The following TRPM4 variants were observed in gnomAD, a reference collection of about 807,000 sequenced individuals.
TRPM4 encodes the protein calcium-activated non-selective cation channel 1.
TRPM4 carries 124 observed loss-of-function variants against 135.6 expected under a neutral mutation model. That is an observed-to-expected ratio of 0.91 (90% CI 0.79 to 1.06). The LOEUF (loss-of-function observed/expected upper bound fraction) is 1.06, where lower values mean the gene tolerates loss of function less well. TRPM4 is among the 50% of genes least tolerant of loss of function. The pLI, the probability that TRPM4 is intolerant of heterozygous loss-of-function variation, is 0.00. For synonymous variants in TRPM4, 745 were observed against 705.6 expected (o/e 1.06, Z -0.88); for missense variants, 1,658 against 1,671.4 (o/e 0.99, Z 0.14).
intron 3 of TRPM4, among the ~76,000 whole-genome samples, chr19:49,166,509 T>G: frequency 2.4e-5 from 1 of 42,010 alleles, no homozygotes; most frequent in South Asian, 1.3e-3. Flanking sequence ...CCTCTCTCTC[T>G]GGGTCTCTGT....
At chr19:49,183,025 G>A in intron 11 of TRPM4, 53 bp from the exon 12 acceptor site, 11 of 1,605,092 alleles carry the variant, frequency 6.9e-6, no homozygotes, top group Non-Finnish European at 9.3e-6. Context: ...AGGGCTGGTG[G>A]TGGCCAGTGT....
intron 12 of TRPM4, among the ~76,000 whole-genome samples, chr19:49,183,650 G>A (rs889949980): frequency 6.6e-6 from 1 of 151,998 alleles, no homozygotes; most frequent in Admixed American, 6.6e-5. Context: ...TGATCCACCC[G>A]CCTCGGCTTC....
intron 20 of TRPM4, among the ~76,000 whole-genome samples, chr19:49,209,130 A>G (rs1664901674): frequency 6.6e-6 from 1 of 152,232 alleles, no homozygotes; most frequent in Middle Eastern, 3.4e-3. Flanking sequence ...CCATTTCGTT[A>G]TGGTATAAAA....
intron 16 of TRPM4, among the ~76,000 whole-genome samples, chr19:49,191,653 C>G (rs572462583): frequency 1.3e-5 from 2 of 152,188 alleles, no homozygotes; most frequent in Admixed American, 6.5e-5. Context: ...GAGCCCACCA[C>G]CACACCTGGC....
Position 49,210,601 on chromosome 19 carries a change from A to T in TRPM4, c.3329-109A>T, listed in dbSNP as rs1969318536. On this transcript the variant is annotated intron_variant, in intron 21 of 24. Coordinates refer to ENST00000252826, the MANE Select transcript of TRPM4 (RefSeq NM_017636.4). This position sits in a 1 kb window ranked among gnomAD's most constrained non-coding sequence, Gnocchi z 4.1. ...GAGGGGCGGGGCATGTTCTCGAATC[A>T]CCAGGGGCTGGGTCTGGGATAGCGT... 4 of 1,560,940 alleles carry T rather than the reference A, an allele frequency of 2.6e-6. No homozygotes were observed. The highest frequency in any genetic ancestry group is 1.7e-4 in the Middle Eastern group (1 of 5,784).
In TRPM4 at chr19:49,171,417, C is replaced by T. The variant is rs775793134; in HGVS notation, c.857C>T (p.Thr286Met). 3.4e-5 allele frequency: 55 copies of T among 1,613,838 alleles called. No homozygotes were observed. The Admixed American group carries it at 5.5e-4, about 16-fold the overall frequency. Residue 286 changes from threonine (T) to methionine (M), a missense_variant and splice_region_variant, in exon 7 of 25, where the codon ACG becomes ATG. Around this residue, in one of 3 missense-constraint regions of TRPM4, gnomAD observed 1,412 missense variants for 1,408.7 expected, o/e 1.00. Transcript: ENST00000252826. The surrounding 1 kb of genome is among the most constrained non-coding windows in gnomAD (Gnocchi z 4.7). ...LLIDGDEKML[T>M]RIENATQAQL... The stretch of plus-strand genomic sequence containing the variant: ...ATTGATGGTGATGAGAAGATGTTGA[C>T]GGTATAGGGGCCCGGATGCCCGGAT...
At chr19:49,204,444 T>C (rs1969069304) in intron 20 of TRPM4, among the ~76,000 whole-genome samples, 1 of 151,836 alleles carries the variant, frequency 6.6e-6, no homozygotes. Flanking sequence ...GTAAAAATTA[T>C]AGTCATCCAG....
intron 10 of TRPM4, among the ~76,000 whole-genome samples, chr19:49,182,125 C>CATCCATCCATCT (rs879711809): frequency 1.6e-4 from 22 of 135,960 alleles, no homozygotes; most frequent in South Asian, 4.9e-4. Flanking sequence ...TCCATCCATC[C>CATCCATCCATCT]ATCTGTCCAT....
At chr19:49,206,161 C>T (rs943798553) in intron 20 of TRPM4, among the ~76,000 whole-genome samples, 5 of 151,710 alleles carry the variant, frequency 3.3e-5, no homozygotes, top group Non-Finnish European at 5.9e-5. Flanking sequence ...CAGGGTTTCA[C>T]CATGTTGGCC....
At chr19:49,181,669 C>G (rs982702711) in intron 10 of TRPM4, among the ~76,000 whole-genome samples, 1 of 151,380 alleles carries the variant, frequency 6.6e-6, no homozygotes, top group Non-Finnish European at 1.5e-5. Context: ...GTAGCTGGGA[C>G]TACAGGCGCC....
Position 49,171,904 on chromosome 19 carries a change from C to G in TRPM4, c.1051-105C>G, listed in dbSNP as rs770202311. On this transcript the variant is annotated intron_variant, in intron 8 of 24. Coordinates refer to ENST00000252826, the MANE Select transcript of TRPM4 (RefSeq NM_017636.4). This position sits in a 1 kb window ranked among gnomAD's most constrained non-coding sequence, Gnocchi z 4.7. ...GAGAAGAGGGTGCTGGGCATATAGACTATTAGGTCCTGGAGGGGAATGGCC... is the reference window on the plus strand; with the variant it reads ...GAGAAGAGGGTGCTGGGCATATAGAGTATTAGGTCCTGGAGGGGAATGGCC... 42 of 1,362,430 alleles carry G rather than the reference C, an allele frequency of 3.1e-5. No individual in the cohort carries two copies. The highest frequency in any genetic ancestry group is 4.3e-5 in the Non-Finnish European group (41 of 956,222). The allele number at this position is 1,362,430 out of a possible 1,614,324, so 84.4% of individuals were successfully genotyped here.
rs1216517627 is a variant in TRPM4, at chr19:49,171,406, G to A, written c.846G>A (p.Glu282=). Residue 282 remains glutamate (E), a synonymous_variant, in exon 7 of 25, where the codon GAG becomes GAA. Coordinates refer to ENST00000252826, the MANE Select transcript of TRPM4 (RefSeq NM_017636.4). The surrounding 1 kb of genome is among the most constrained non-coding windows in gnomAD (Gnocchi z 4.7). ...TGCTCCTCCTGATTGATGGTGATGA[G>A]AAGATGTTGACGGTATAGGGGCCCG... The part of the protein sequence containing the change: ...PVLLLLIDGD[E]KMLTRIENAT... The A allele has an allele frequency of 8.1e-6, 13 of 1,614,010 alleles. No individual in the cohort carries two copies. The highest frequency in any genetic ancestry group is 1.1e-5 in the Non-Finnish European group (13 of 1,180,032).
chr19:49,181,461 G>T lies in TRPM4; in HGVS notation c.1263G>T (p.Arg421=). The T allele has an allele frequency of 6.2e-7, 1 of 1,611,940 alleles. No homozygotes were observed. The highest frequency in any genetic ancestry group is 8.5e-7 in the Non-Finnish European group (1 of 1,178,750). ...SELFRGDIQW[R]SFHLEASLMD... ...TCTTTCGGGGGGACATCCAATGGCGGGTGAGGGGTCAGGGCCTGGGGGTTG... is the reference window on the plus strand; with the variant it reads ...TCTTTCGGGGGGACATCCAATGGCGTGTGAGGGGTCAGGGCCTGGGGGTTG... The change falls in exon 10 of 25, where the codon CGG becomes CGT. Residue 421 remains arginine, a splice_region_variant and synonymous_variant. Coordinates refer to ENST00000252826, the MANE Select transcript of TRPM4 (RefSeq NM_017636.4).
intron 20 of TRPM4, among the ~76,000 whole-genome samples, chr19:49,205,849 T>C (rs566778652): frequency 7.2e-4 from 109 of 152,062 alleles, no homozygotes; most frequent in Non-Finnish European, 9.4e-4. Flanking sequence ...CTTCAACATA[T>C]CTTTAGCGGG....
chr19:49,158,686 G>T, intron 2 of TRPM4: 1 of 184,286 alleles, frequency 5.4e-6, no homozygotes, highest in Non-Finnish European at 1.1e-5. Flanking sequence ...CAACGGCCCT[G>T]CCAGGGTTCC....
intron 9 of TRPM4, among the ~76,000 whole-genome samples, chr19:49,173,001 C>T (rs745881969): frequency 1.3e-5 from 2 of 150,728 alleles, no homozygotes; most frequent in Admixed American, 1.3e-4. Flanking sequence ...TCCATCCACA[C>T]ATCCACTGAA....
intron 15 of TRPM4, 65 bp downstream of exon 15, chr19:49,190,385 C>G (rs1250233848): frequency 2.2e-6 from 3 of 1,368,124 alleles, no homozygotes; most frequent in Non-Finnish European, 3.1e-6. Context: ...CTTCCTGCCC[C>G]CTCTGCCCAC....
intron 12 of TRPM4, among the ~76,000 whole-genome samples, chr19:49,186,373 G>A (rs559915560): frequency 2.8e-4 from 43 of 152,162 alleles, no homozygotes; most frequent in Admixed American, 8.5e-4. Flanking sequence ...GGTTTTCTCT[G>A]GTATTTTCTG....
At chr19:49,198,224 T>A (rs1170411067) in intron 17 of TRPM4, among the ~76,000 whole-genome samples, 1 of 152,214 alleles carries the variant, frequency 6.6e-6, no homozygotes, top group Non-Finnish European at 1.5e-5. Flanking sequence ...TTGTATTTTG[T>A]ATAAAGTGAC....
Sources: allele counts gnomAD v4.1 joint callset (sites outside exome capture counted in the v4.1 genomes callset), GRCh38; gene constraint gnomAD v4.1.1; regional missense constraint gnomAD v4.1.1; non-coding constraint Gnocchi (gnomAD v3.1); transcripts MANE v1.5; gene names NCBI Gene and HGNC (gene_info 2026-07-23, HGNC 2026-07-21).